The following PRKN variants were observed in gnomAD, a reference collection of about 807,000 sequenced individuals.
PRKN encodes the protein E3 ubiquitin-protein ligase parkin.
A neutral mutation model predicts 59.5 loss-of-function variants in PRKN; 56 were observed. The ratio of observed to expected loss-of-function variants is 0.94; its 90% CI spans 0.76 to 1.18. The LOEUF (loss-of-function observed/expected upper bound fraction) is 1.18, where lower values mean the gene tolerates loss of function less well. PRKN is among the 50% of genes most tolerant of loss of function. PRKN has a pLI of 0.00. For synonymous variants in PRKN, 250 were observed against 222.1 expected, an observed-to-expected ratio of 1.13 and a Z score of -1.12; for missense variants, 657 against 596.4, an observed-to-expected ratio of 1.10 and a Z score of -1.06.
chr6:161,917,792 C>T lies in PRKN; in HGVS notation c.734+55510G>A, dbSNP rs1442859293. On this transcript the variant is annotated intron_variant, in intron 6 of 11. Coordinates refer to ENST00000366898, the MANE Select transcript of PRKN (RefSeq NM_004562.3). Reference sequence around the variant, plus strand: ...TAGTTTTTCAATTTGCCTCCTGCTGCACAGAAGTAATATAGCAGGTGATTC... The same window carrying T: ...TAGTTTTTCAATTTGCCTCCTGCTGTACAGAAGTAATATAGCAGGTGATTC... Among the ~76,000 whole-genome samples the T allele has an allele frequency of 2.0e-5, 3 of 152,302 alleles. No homozygotes were observed. In the East Asian group the frequency reaches 5.8e-4, roughly 29 times the overall value.
intron 5 of PRKN, among the ~76,000 whole-genome samples, chr6:162,003,322 C>T (rs75564974): frequency 0.079 from 11,981 of 152,010 alleles, 535 homozygotes; most frequent in Middle Eastern, 0.11. Flanking sequence ...AGCTCCACAC[C>T]ACCTCTTGTT....
intron 7 of PRKN, among the ~76,000 whole-genome samples, chr6:161,580,442 T>C (rs1781292456): frequency 6.6e-6 from 1 of 152,102 alleles, no homozygotes; most frequent in African/African-American, 2.4e-5. Context: ...CCTGCACACT[T>C]ACATAAGAAA....
chr6:161,485,993 G>A (rs1273660376), intron 9 of PRKN, among the ~76,000 whole-genome samples: 1 of 151,962 alleles, frequency 6.6e-6, no homozygotes, highest in East Asian at 1.9e-4. Flanking sequence ...AAGTTCTAAG[G>A]TCCCTTAAGA....
chr6:162,116,501 C>T (rs1780678894), intron 4 of PRKN, among the ~76,000 whole-genome samples: 1 of 152,158 alleles, frequency 6.6e-6, no homozygotes, highest in Admixed American at 6.6e-5. Context: ...TTTTGTCACG[C>T]CCTTTTCAAT....
rs1430649717 is a variant in PRKN, at chr6:161,361,588, A to C, written c.1168-1383T>G. ...TAGGACCCCGTGAAATGGGCAGGGC[A>C]CATGGGTGGTATCCCTGACAGTGGT... On this transcript the variant is annotated intron_variant, in intron 10 of 11. Transcript: ENST00000366898. This position sits in a 1 kb window ranked among gnomAD's most constrained non-coding sequence, Gnocchi z 5.2. Among the ~76,000 whole-genome samples, 1 of 152,216 alleles carries C rather than the reference A, an allele frequency of 6.6e-6. No individual in the cohort carries two copies. The highest frequency in any genetic ancestry group is 1.5e-5 in the Non-Finnish European group (1 of 68,032).
chr6:162,297,174 C>CTTTTTTTTTTTTTTTTT (rs10681721), intron 2 of PRKN, among the ~76,000 whole-genome samples: 1 of 139,332 alleles, frequency 7.2e-6, no homozygotes. Flanking sequence ...TTTTTCTTTT[C>CTTTTTTTTTTTTTTTTT]TTTTTTTTTT....
At chr6:162,286,635 T>C (rs970727134) in intron 2 of PRKN, among the ~76,000 whole-genome samples, 6 of 152,202 alleles carry the variant, frequency 3.9e-5, no homozygotes, top group Non-Finnish European at 7.3e-5. Flanking sequence ...GTTTGGATGG[T>C]TGCTATGACA....
At chr6:161,874,118 A>AATATATATT (rs1794490550) in intron 6 of PRKN, among the ~76,000 whole-genome samples, 1 of 67,338 alleles carries the variant, frequency 1.5e-5, no homozygotes, top group Admixed American at 2.7e-4. Context: ...TGTAAAATAT[A>AATATATATT]ATATATAATA....
intron 5 of PRKN, among the ~76,000 whole-genome samples, chr6:162,002,818 TAA>T (rs146503598): frequency 0.053 from 8,054 of 152,176 alleles, 758 homozygotes; most frequent in African/African-American, 0.19. Context: ...CACATTTTAA[TAA>T]GTTATATTTT....
chr6:162,401,432 G>A (rs1048960947), intron 2 of PRKN, among the ~76,000 whole-genome samples: 5 of 151,994 alleles, frequency 3.3e-5, no homozygotes. Flanking sequence ...ATAGCTTACT[G>A]TAGCCTACTT....
intron 1 of PRKN, chr6:162,569,441 G>A (rs1315953433): frequency 2.9e-6 from 2 of 686,520 alleles, no homozygotes; most frequent in Non-Finnish European, 5.6e-6. Flanking sequence ...CATCGAGATT[G>A]CCACCTACAG....
At chr6:162,216,829 A>G (rs1346723772) in intron 3 of PRKN, among the ~76,000 whole-genome samples, 2 of 152,214 alleles carry the variant, frequency 1.3e-5, no homozygotes. Context: ...ATATTTAAAA[A>G]TGAAATCTTT....
intron 1 of PRKN, among the ~76,000 whole-genome samples, chr6:162,466,857 T>C (rs1260911795): frequency 6.6e-6 from 1 of 152,102 alleles, no homozygotes; most frequent in Non-Finnish European, 1.5e-5. Context: ...AATTCATCAC[T>C]GCTAAGTAAG....
chr6:161,738,696 C>T, intron 7 of PRKN, among the ~76,000 whole-genome samples: 1 of 152,148 alleles, frequency 6.6e-6, no homozygotes, highest in Non-Finnish European at 1.5e-5. Context: ...ACCCTGGGTG[C>T]AGTCACCACT....
At chr6:162,146,199 CAT>C in intron 4 of PRKN, among the ~76,000 whole-genome samples, 1 of 152,228 alleles carries the variant, frequency 6.6e-6, no homozygotes, top group Admixed American at 6.5e-5. Context: ...ATCCAGCAAA[CAT>C]ATGCTAAAGA....
At chr6:161,861,022 C>A (rs143118352) in intron 6 of PRKN, among the ~76,000 whole-genome samples, 1 of 152,160 alleles carries the variant, frequency 6.6e-6, no homozygotes, top group Non-Finnish European at 1.5e-5. Flanking sequence ...GACAGTGTGG[C>A]GATTCCTCAA....
chr6:161,615,652 C>T (rs905226595), intron 7 of PRKN, among the ~76,000 whole-genome samples: 2 of 152,236 alleles, frequency 1.3e-5, no homozygotes, highest in Admixed American at 1.3e-4. Flanking sequence ...CGGCCCCATG[C>T]CTTGCTCTCT....
chr6:161,378,733 G>C lies in PRKN; in HGVS notation c.1167+8061C>G, dbSNP rs551947651. ...GGATGGACCAGGCTTGCACGATGCC[G>C]CTGGAGCTGCACTGTGATGTGGGCG... is the stretch of plus-strand genomic sequence containing the variant. On this transcript the variant is annotated intron_variant, in intron 10 of 11. Coordinates refer to ENST00000366898, the MANE Select transcript of PRKN (RefSeq NM_004562.3). The surrounding 1 kb of genome is among the most constrained non-coding windows in gnomAD (Gnocchi z 7.3). 6.6e-6 allele frequency among the ~76,000 whole-genome samples: 1 copy of C among 152,178 alleles called. No homozygotes were observed. Among genetic ancestry groups the C allele is most frequent in the Admixed American group, 6.5e-5 (1 of 15,278 alleles).
chr6:161,859,448 C>G lies in PRKN; in HGVS notation c.735-73540G>C, dbSNP rs1368182026. On this transcript the variant is annotated intron_variant, in intron 6 of 11. Transcript: ENST00000366898. The stretch of plus-strand genomic sequence containing the variant: ...TGAAACTCCATCTCTACTAAAAATA[C>G]AAAAATAAGCTGGGCATGGTGGCGC... Among the ~76,000 whole-genome samples the G allele has an allele frequency of 2.0e-5, 3 of 151,458 alleles. No individual in the cohort carries two copies. The East Asian group carries it at 5.9e-4, about 30-fold the overall frequency.
Sources: gnomAD v4.1 joint callset for allele counts (sites outside exome capture counted in the v4.1 genomes callset) on GRCh38, gnomAD v4.1.1 for gene constraint, Gnocchi (gnomAD v3.1) non-coding constraint, MANE v1.5 for transcripts, NCBI Gene and HGNC (gene_info 2026-07-23, HGNC 2026-07-21) for gene names.